VPS13B: variants seen among roughly 807,000 people sequenced by gnomAD.
VPS13B encodes intermembrane lipid transfer protein VPS13B.
VPS13B carries 285 observed loss-of-function variants against 426.4 expected under a neutral mutation model. The observed-to-expected ratio is 0.67, with a 90% confidence interval of 0.61 to 0.74. VPS13B has a LOEUF of 0.74. Ranked by LOEUF, VPS13B falls within the 30% of genes least tolerant of loss-of-function variation. VPS13B has a pLI of 0.00. For missense variants in VPS13B, 4,537 were observed against 4,782.6 expected (o/e 0.95, Z 1.51); for synonymous variants, 1,676 against 1,676.4 (o/e 1.00, Z 0.01).
Position 99,346,042 on chromosome 8 carries a change from T to C in VPS13B, c.2825-38166T>C, listed in dbSNP as rs146884743. 9.0e-4 allele frequency: 138 copies of C among 153,632 alleles called. 2 individuals are homozygous for C. In the South Asian group the frequency reaches 0.011, roughly 13 times the overall value. The allele number at this position is 153,632 out of a possible 1,614,324, so 9.5% of individuals were successfully genotyped here. A position where few individuals can be genotyped will look rare whatever the true frequency, so the allele number is the denominator to read the frequency against. ...GGCAGGTGGGCAGGCAGAGCAGTGG[T>C]TGGATGAGCTTAGAGCTCAGTACTA... On this transcript the variant is annotated intron_variant, in intron 19 of 61. Coordinates refer to ENST00000357162, the MANE Select transcript of VPS13B (RefSeq NM_152564.5).
chr8:99,392,444 G>C (rs1002837077), intron 21 of VPS13B, among the ~76,000 whole-genome samples: 7 of 150,760 alleles, frequency 4.6e-5, no homozygotes, highest in Non-Finnish European at 8.9e-5. Flanking sequence ...CTTTTCTTTG[G>C]GTAATTTTAT....
chr8:99,461,675 C>T (rs145176744), intron 23 of VPS13B, among the ~76,000 whole-genome samples: 1 of 152,066 alleles, frequency 6.6e-6, no homozygotes, highest in African/African-American at 2.4e-5. Context: ...TAATAAAGAG[C>T]CTTTGCAATT....
intron 19 of VPS13B, among the ~76,000 whole-genome samples, chr8:99,358,441 C>A (rs541740169): frequency 6.6e-6 from 1 of 152,194 alleles, no homozygotes; most frequent in African/African-American, 2.4e-5. Context: ...TTAGTGATTT[C>A]ATCTGACAGT....
chr8:99,491,839 AC>A (rs1406782990), intron 25 of VPS13B, among the ~76,000 whole-genome samples: 2 of 152,102 alleles, frequency 1.3e-5, no homozygotes, highest in African/African-American at 4.8e-5. Context: ...GTTTGTTATT[AC>A]CGACCTTCTG....
chr8:99,207,449 T>G (rs1363591014), intron 17 of VPS13B, among the ~76,000 whole-genome samples: 1 of 152,206 alleles, frequency 6.6e-6, no homozygotes, highest in East Asian at 1.9e-4. Context: ...TGATGATACT[T>G]CATGGCACAG....
chr8:99,147,069 C>T (rs114866664), intron 13 of VPS13B, among the ~76,000 whole-genome samples: 1,629 of 151,860 alleles, frequency 0.011, 35 homozygotes, highest in African/African-American at 0.037. Context: ...TAATTTTAAT[C>T]AGGAGGAAGG....
chr8:99,172,106 C>T (rs1002127918), intron 16 of VPS13B, among the ~76,000 whole-genome samples: 3 of 152,134 alleles, frequency 2.0e-5, no homozygotes, highest in Admixed American at 1.3e-4. Context: ...AATATGAACA[C>T]TTAAAGATAG....
At chr8:99,111,070 T>C in intron 5 of VPS13B, 28 bp from the exon 6 acceptor site, 1 of 1,586,700 alleles carries the variant, frequency 6.3e-7, no homozygotes, top group Admixed American at 1.7e-5. Flanking sequence ...TTTTCCTTTT[T>C]ACTTAAAATG....
At chr8:99,423,622 A>G (rs753679753) in intron 21 of VPS13B, among the ~76,000 whole-genome samples, 5 of 152,030 alleles carry the variant, frequency 3.3e-5, no homozygotes, top group Non-Finnish European at 4.4e-5. Context: ...GTTCCATTCT[A>G]TAGAGCATAC....
At chr8:99,217,474 A>T (rs929378606) in intron 17 of VPS13B, among the ~76,000 whole-genome samples, 2 of 152,166 alleles carry the variant, frequency 1.3e-5, no homozygotes, top group East Asian at 1.9e-4. Context: ...TGGCTATATG[A>T]CTTACTACAT....
At chr8:99,322,067 C>A (rs913913915) in intron 19 of VPS13B, among the ~76,000 whole-genome samples, 2 of 152,152 alleles carry the variant, frequency 1.3e-5, no homozygotes, top group Admixed American at 6.6e-5. Context: ...TGCTCACTGG[C>A]CAAAGACCAC....
chr8:99,778,021 G>A (rs920338092), intron 41 of VPS13B, among the ~76,000 whole-genome samples: 7 of 152,106 alleles, frequency 4.6e-5, no homozygotes, highest in Admixed American at 4.6e-4. Flanking sequence ...CACCATGTCA[G>A]GAGATTGAGA....
intron 3 of VPS13B, among the ~76,000 whole-genome samples, chr8:99,056,335 G>A (rs1328011452): frequency 1.3e-5 from 2 of 152,122 alleles, no homozygotes; most frequent in Non-Finnish European, 2.9e-5. Flanking sequence ...TGCTGGGATT[G>A]CAGGCGTGAG....
chr8:99,394,553 C>A (rs1333472409), intron 21 of VPS13B, among the ~76,000 whole-genome samples: 2 of 152,124 alleles, frequency 1.3e-5, no homozygotes, highest in African/African-American at 4.8e-5. Context: ...TCTATTATCA[C>A]AGAATTCTAA....
intron 58 of VPS13B, among the ~76,000 whole-genome samples, chr8:99,864,270 C>T (rs1269640366): frequency 6.6e-6 from 1 of 152,206 alleles, no homozygotes; most frequent in East Asian, 1.9e-4. Flanking sequence ...GAAATCCAGG[C>T]CGGGTACATG....
At chr8:99,753,961 C>A (rs1810516640) in intron 39 of VPS13B, among the ~76,000 whole-genome samples, 1 of 152,068 alleles carries the variant, frequency 6.6e-6, no homozygotes, top group South Asian at 2.1e-4. Context: ...GGAATATTTC[C>A]TGTACAAAAA....
rs1436936380 is a variant in VPS13B, at chr8:99,156,715, A to G, written c.2180A>G (p.His727Arg). 3.1e-6 allele frequency: 5 copies of G among 1,613,900 alleles called. No homozygotes were observed. Among genetic ancestry groups the G allele is most frequent in the Admixed American group, 1.7e-5 (1 of 59,998 alleles). ...ACTCAACCTTCTGATAACCTGCTTC[A>G]TTATTGTTATGTACACTGCTATCTT... The part of the protein sequence containing the change: ...SLTQPSDNLL[H>R]YCYVHCYLKI... Residue 727 changes from histidine to arginine, a missense_variant, in exon 15 of 62, where the codon CAT becomes CGT. Physicochemically the swap from His to Arg is conservative, Grantham distance 29 (BLOSUM62 0). Around this residue, in one of 2 missense-constraint regions of VPS13B, gnomAD observed 4,311 missense variants for 4,474.3 expected, o/e 0.96. Coordinates refer to ENST00000357162, the MANE Select transcript of VPS13B (RefSeq NM_152564.5).
intron 15 of VPS13B, among the ~76,000 whole-genome samples, chr8:99,158,681 C>T (rs746646390): frequency 2.2e-4 from 34 of 152,198 alleles, no homozygotes; most frequent in Non-Finnish European, 3.8e-4. Context: ...AATGACAGTA[C>T]ATCTGTTTAT....
intron 14 of VPS13B, among the ~76,000 whole-genome samples, chr8:99,152,959 T>C (rs897586470): frequency 6.6e-6 from 1 of 152,160 alleles, no homozygotes; most frequent in Non-Finnish European, 1.5e-5. Context: ...GACTGATCAC[T>C]TGAGCCCAGG....
Sources: gnomAD v4.1 joint callset for allele counts (sites outside exome capture counted in the v4.1 genomes callset) on GRCh38, gnomAD v4.1.1 for gene constraint, gnomAD v4.1.1 regional missense constraint, MANE v1.5 for transcripts, NCBI Gene and HGNC (gene_info 2026-07-23, HGNC 2026-07-21) for gene names.